The following CSMD1 variants were observed in gnomAD, a reference collection of about 807,000 sequenced individuals.
CSMD1 encodes the protein CUB and sushi domain-containing protein 1.
Under a neutral mutation model 417.5 loss-of-function variants are expected in CSMD1, and 213 were observed. The observed-to-expected ratio is 0.51, with a 90% confidence interval of 0.46 to 0.57. The LOEUF (loss-of-function observed/expected upper bound fraction) is 0.57, where lower values mean the gene tolerates loss of function less well. CSMD1 is among the 20% of genes least tolerant of loss of function. The probability of loss-of-function intolerance (pLI) is 0.00; values close to 1 mark genes in which losing one functional copy is unlikely to be tolerated. For synonymous variants in CSMD1, 2,862 were observed against 1,736.8 expected, an observed-to-expected ratio of 1.65 and a Z score of -16.11; for missense variants, 6,923 against 4,529.7, an observed-to-expected ratio of 1.53 and a Z score of -15.17.
chr8:4,821,070 G>C (rs191543931), intron 1 of CSMD1, among the ~76,000 whole-genome samples: 1 of 152,106 alleles, frequency 6.6e-6, no homozygotes, highest in Non-Finnish European at 1.5e-5. Flanking sequence ...AGGGGAAAGA[G>C]ATCTTCCTTA....
At position 3,157,972 on chromosome 8, in the gene CSMD1, T is replaced by C. The variant is rs1204658547; in HGVS notation, c.5845-6A>G. 18 of 1,551,808 alleles carry C rather than the reference T, an allele frequency of 1.2e-5. No homozygotes were observed. The highest frequency in any genetic ancestry group is 3.5e-6 in the Non-Finnish European group (4 of 1,146,940). Reference sequence around the variant, plus strand: ...CAGGAAATGTGGGAACGGCCCTGTTTAAAAGAAAACAAAAGAAAATACATA... The same window carrying C: ...CAGGAAATGTGGGAACGGCCCTGTTCAAAAGAAAACAAAAGAAAATACATA... On this transcript the variant is annotated splice_polypyrimidine_tract_variant and splice_region_variant and intron_variant, in intron 38 of 69. Transcript: ENST00000635120.
chr8:3,978,878 A>G (rs957348110), intron 5 of CSMD1, among the ~76,000 whole-genome samples: 3 of 152,206 alleles, frequency 2.0e-5, no homozygotes, highest in Non-Finnish European at 1.5e-5. Flanking sequence ...TAATGAAAGG[A>G]ACACAATATG....
chr8:2,944,774 C>T (rs914821211), intron 68 of CSMD1, among the ~76,000 whole-genome samples: 3 of 152,134 alleles, frequency 2.0e-5, no homozygotes, highest in Non-Finnish European at 4.4e-5. Flanking sequence ...CATTGATCTT[C>T]AAGTTTCTGT....
intron 3 of CSMD1, among the ~76,000 whole-genome samples, chr8:4,216,984 T>G (rs1800718833): frequency 2.0e-5 from 3 of 152,212 alleles, no homozygotes. Flanking sequence ...TCCCCACGGT[T>G]AAGACTTCTC....
intron 3 of CSMD1, among the ~76,000 whole-genome samples, chr8:4,190,621 G>C (rs1271494465): frequency 6.6e-6 from 1 of 151,834 alleles, no homozygotes; most frequent in Non-Finnish European, 1.5e-5. Flanking sequence ...GCTCAAAGGG[G>C]TTAAAGAATA....
At chr8:3,188,827 G>A in intron 35 of CSMD1, 60 bp downstream of exon 35, 19 of 1,365,816 alleles carry the variant, frequency 1.4e-5, no homozygotes, top group Non-Finnish European at 1.5e-5. Flanking sequence ...AAGAATGAAA[G>A]AAAGAAGCCC....
At chr8:3,551,026 C>T (rs1251260788) in intron 10 of CSMD1, among the ~76,000 whole-genome samples, 2 of 152,160 alleles carry the variant, frequency 1.3e-5, no homozygotes, top group African/African-American at 4.8e-5. Flanking sequence ...TAGTCAGGAT[C>T]AGCCTAAATC....
intron 5 of CSMD1, among the ~76,000 whole-genome samples, chr8:3,786,790 C>T (rs1453989804): frequency 6.6e-6 from 1 of 152,150 alleles, no homozygotes; most frequent in South Asian, 2.1e-4. Context: ...CCCTTGCGTC[C>T]TCAGGTGGTA....
At chr8:4,027,267 G>C (rs965428068) in intron 4 of CSMD1, among the ~76,000 whole-genome samples, 2 of 152,162 alleles carry the variant, frequency 1.3e-5, no homozygotes, top group Admixed American at 6.5e-5. Flanking sequence ...GAAATGTTAG[G>C]ATGAAGATGG....
chr8:4,114,134 G>C (rs780087300), intron 3 of CSMD1, among the ~76,000 whole-genome samples: 3 of 152,190 alleles, frequency 2.0e-5, no homozygotes, highest in Non-Finnish European at 4.4e-5. Context: ...AGGAAAGAGG[G>C]TAAGTCAATG....
intron 41 of CSMD1, among the ~76,000 whole-genome samples, chr8:3,132,070 T>C (rs1375268275): frequency 6.6e-6 from 1 of 152,006 alleles, no homozygotes; most frequent in Non-Finnish European, 1.5e-5. Context: ...TAAGCCAGGG[T>C]TCACACGTGG....
At chr8:3,109,417 A>C (rs974230471) in intron 43 of CSMD1, among the ~76,000 whole-genome samples, 8 of 152,142 alleles carry the variant, frequency 5.3e-5, no homozygotes, top group Admixed American at 3.9e-4. Flanking sequence ...TCAACCTAAT[A>C]TTTCAAATTC....
At chr8:4,618,001 A>G (rs1171413346) in intron 2 of CSMD1, among the ~76,000 whole-genome samples, 1 of 152,182 alleles carries the variant, frequency 6.6e-6, no homozygotes, top group Non-Finnish European at 1.5e-5. Flanking sequence ...TTTGGATAAG[A>G]TTTCTCTTGG....
At chr8:4,833,382 C>A (rs115121946) in intron 1 of CSMD1, among the ~76,000 whole-genome samples, 1,536 of 152,240 alleles carry the variant, frequency 0.01, 19 homozygotes, top group African/African-American at 0.035. Flanking sequence ...ACAACCAGCT[C>A]TCAAGAGAAC....
At chr8:3,706,558 T>A (rs1201500007) in intron 7 of CSMD1, among the ~76,000 whole-genome samples, 2 of 152,162 alleles carry the variant, frequency 1.3e-5, no homozygotes, top group East Asian at 1.9e-4. Flanking sequence ...TATGCATATG[T>A]CAATTTGTGT....
Position 4,405,458 on chromosome 8 carries a change from T to A in CSMD1, c.415+14495A>T, listed in dbSNP as rs573504239. Reference sequence around the variant, plus strand: ...TGTAAAATGAAGATTTTAACGCCCATCTATAGTTGTGTTTGAAAGAGTGAA... The same window carrying A: ...TGTAAAATGAAGATTTTAACGCCCAACTATAGTTGTGTTTGAAAGAGTGAA... On this transcript the variant is annotated intron_variant, in intron 3 of 69. Transcript: ENST00000635120. 8.5e-5 allele frequency among the ~76,000 whole-genome samples: 13 copies of A among 152,202 alleles called. No homozygotes were observed. The East Asian group carries it at 2.3e-3, about 27-fold the overall frequency.
chr8:3,037,761 G>C (rs1156300265), intron 50 of CSMD1, among the ~76,000 whole-genome samples: 1 of 152,194 alleles, frequency 6.6e-6, no homozygotes, highest in Admixed American at 6.5e-5. Flanking sequence ...AATTAATAGA[G>C]TTTTAAAGTT....
At chr8:3,678,254 G>T (rs1421556321) in intron 7 of CSMD1, among the ~76,000 whole-genome samples, 2 of 152,178 alleles carry the variant, frequency 1.3e-5, no homozygotes, top group Non-Finnish European at 2.9e-5. Context: ...AAAGGAGGAA[G>T]TTCGAACCCA....
chr8:4,258,862 A>G (rs964355367), intron 3 of CSMD1, among the ~76,000 whole-genome samples: 9 of 152,128 alleles, frequency 5.9e-5, no homozygotes, highest in African/African-American at 2.2e-4. Flanking sequence ...CGGCTGCAAA[A>G]GTCTCATCTC....
Sources: allele counts gnomAD v4.1 joint callset (sites outside exome capture counted in the v4.1 genomes callset), GRCh38; gene constraint gnomAD v4.1.1; transcripts MANE v1.5; gene names NCBI Gene and HGNC (gene_info 2026-07-23, HGNC 2026-07-21).